SFXN1: variants seen among roughly 807,000 people sequenced by gnomAD.
SFXN1 encodes the protein sideroflexin 1, also known as sideroflexin-1.
SFXN1 carries 32 observed loss-of-function variants against 39.5 expected under a neutral mutation model. The ratio of observed to expected loss-of-function variants is 0.81; its 90% CI spans 0.61 to 1.09. SFXN1 has a LOEUF of 1.09. Ranked by LOEUF, SFXN1 falls within the 50% of genes least tolerant of loss-of-function variation. The pLI is 0.00. For synonymous variants in SFXN1, 136 were observed against 146.5 expected, an observed-to-expected ratio of 0.93 and a Z score of 0.52; for missense variants, 402 against 407.1, an observed-to-expected ratio of 0.99 and a Z score of 0.11.
chr5:175,505,800 A>G (rs959411874), intron 2 of SFXN1, among the ~76,000 whole-genome samples: 1 of 152,054 alleles, frequency 6.6e-6, no homozygotes, highest in African/African-American at 2.4e-5. Context: ...CAAAAGAGAA[A>G]GTTAAGAATG....
In SFXN1 at chr5:175,527,757, C is replaced by G. The variant is rs1339225398; in HGVS notation, c.*1023C>G. ...CCACTTCATTTGAAAATAATGAAACCATGTACCACTGTTTACATCATCTGT... is the reference window on the plus strand; with the variant it reads ...CCACTTCATTTGAAAATAATGAAACGATGTACCACTGTTTACATCATCTGT... On this transcript the variant is annotated 3_prime_UTR_variant, in exon 11 of 11. Transcript: ENST00000321442. The G allele has an allele frequency of 6.6e-6, 1 of 152,030 alleles. No individual in the cohort carries two copies. Among genetic ancestry groups the G allele is most frequent in the African/African-American group, 2.4e-5 (1 of 41,378 alleles). The allele number at this position is 152,030 out of a possible 1,614,324, so 9.4% of individuals were successfully genotyped here.
intron 2 of SFXN1, among the ~76,000 whole-genome samples, chr5:175,500,866 A>G (rs1330169184): frequency 6.6e-6 from 1 of 152,182 alleles, no homozygotes; most frequent in Non-Finnish European, 1.5e-5. Flanking sequence ...AGATAATTCA[A>G]TGAGGAAAGG....
At chr5:175,480,816 G>T (rs558632319) in intron 1 of SFXN1, among the ~76,000 whole-genome samples, 1 of 152,378 alleles carries the variant, frequency 6.6e-6, no homozygotes, top group Non-Finnish European at 1.5e-5. Flanking sequence ...TTGTGTAGCA[G>T]TGGTGAGCTG....
chr5:175,515,209 G>A (rs541160876), intron 7 of SFXN1, among the ~76,000 whole-genome samples: 1 of 152,242 alleles, frequency 6.6e-6, no homozygotes, highest in South Asian at 2.1e-4. Flanking sequence ...TAGAAACAGG[G>A]TTTTGGTATG....
At position 175,506,960 on chromosome 5, in the gene SFXN1, A is replaced by C. The variant is rs1422233330; in HGVS notation, c.165-2072A>C. On this transcript the variant is annotated intron_variant, in intron 2 of 10. Coordinates refer to ENST00000321442, the MANE Select transcript of SFXN1 (RefSeq NM_022754.7). ...ATTACAGGCGTGAGCCACCATGCCC[A>C]GCCTATTAATTTCTTAAGGCTGCCA... Among the ~76,000 whole-genome samples, 3 of 152,128 alleles carry C rather than the reference A, an allele frequency of 2.0e-5. No individual in the cohort carries two copies. The East Asian group carries it at 5.8e-4, about 29-fold the overall frequency.
In SFXN1 at chr5:175,510,127, G is replaced by T. The variant is rs201477062; in HGVS notation, c.354G>T (p.Leu118=). ...GTTTTAGGACTACGCCGGCTGTGCT[G>T]TTCTGGCAGTGGATTAACCAGTCCT... The part of the protein sequence containing the change: ...MTFYRTTPAV[L]FWQWINQSFN... Residue 118 remains leucine (L), a synonymous_variant, in exon 4 of 11, where the codon CTG becomes CTT. Transcript: ENST00000321442. The T allele has an allele frequency of 1.2e-6, 2 of 1,612,950 alleles. No homozygotes were observed. The highest frequency in any genetic ancestry group is 2.2e-5 in the East Asian group (1 of 44,866).
At chr5:175,489,407 C>T (rs890563202) in intron 1 of SFXN1, among the ~76,000 whole-genome samples, 1 of 152,156 alleles carries the variant, frequency 6.6e-6, no homozygotes, top group African/African-American at 2.4e-5. Flanking sequence ...CCCCTGCACG[C>T]CCTGCAGGTA....
intron 2 of SFXN1, among the ~76,000 whole-genome samples, chr5:175,495,817 T>A (rs1214376229): frequency 6.6e-6 from 1 of 151,206 alleles, no homozygotes; most frequent in Non-Finnish European, 1.5e-5. Context: ...GTCATATAAA[T>A]AGACAAGTGA....
At chr5:175,508,292 G>A (rs1760387125) in intron 2 of SFXN1, among the ~76,000 whole-genome samples, 1 of 123,746 alleles carries the variant, frequency 8.1e-6, no homozygotes, top group African/African-American at 3.1e-5. Context: ...GTGGTATGAT[G>A]ACTGCTCACT....
In SFXN1 at chr5:175,510,102, GT is replaced by G; in HGVS notation, c.336-3del. On this transcript the variant is annotated splice_polypyrimidine_tract_variant and splice_region_variant and intron_variant, in intron 3 of 10. Coordinates refer to ENST00000321442, the MANE Select transcript of SFXN1 (RefSeq NM_022754.7). ...TGGTGGGTATGTGACGGATGCCTCT[GT>G]TTTAGGACTACGCCGGCTGTGCTGT... 6.2e-7 allele frequency: 1 copy of G among 1,608,460 alleles called. No individual in the cohort carries two copies. The highest frequency in any genetic ancestry group is 8.5e-7 in the Non-Finnish European group (1 of 1,177,050).
chr5:175,487,886 C>T lies in SFXN1; in HGVS notation c.-9-4209C>T, dbSNP rs185503927. On this transcript the variant is annotated intron_variant, in intron 1 of 10. Transcript: ENST00000321442. Reference sequence around the variant, plus strand: ...CAGGAACCATGCTTTTTCTTTCTCTCACATCCCACATCTAAGATGTCAAGA... The same window carrying T: ...CAGGAACCATGCTTTTTCTTTCTCTTACATCCCACATCTAAGATGTCAAGA... Among the ~76,000 whole-genome samples the T allele has an allele frequency of 2.0e-5, 3 of 152,258 alleles. No individual in the cohort carries two copies. The East Asian group carries it at 5.8e-4, about 29-fold the overall frequency.
intron 7 of SFXN1, 114 bp from the exon 8 acceptor site, chr5:175,516,500 G>A (rs769997559): frequency 1.4e-5 from 11 of 814,476 alleles, no homozygotes; most frequent in Admixed American, 9.7e-5. Flanking sequence ...TTTTTACTGT[G>A]ACAGTGGAAA....
At chr5:175,483,860 C>A (rs1328883613) in intron 1 of SFXN1, 2 of 152,360 alleles carry the variant, frequency 1.3e-5, no homozygotes, top group African/African-American at 4.8e-5. Context: ...AAAGAGAGCA[C>A]CCTCCCCACT....
At chr5:175,498,368 G>A (rs905611442) in intron 2 of SFXN1, among the ~76,000 whole-genome samples, 3 of 152,160 alleles carry the variant, frequency 2.0e-5, no homozygotes, top group Non-Finnish European at 2.9e-5. Context: ...GGTAGATAAT[G>A]TTATTTCCAT....
chr5:175,520,512 C>G (rs1760847889), intron 8 of SFXN1, among the ~76,000 whole-genome samples: 1 of 152,078 alleles, frequency 6.6e-6, no homozygotes. Flanking sequence ...CTGAAATTGT[C>G]TAGGGGCCTT....
chr5:175,514,222 G>T (rs113786527), intron 7 of SFXN1, among the ~76,000 whole-genome samples: 2 of 152,074 alleles, frequency 1.3e-5, no homozygotes, highest in African/African-American at 4.8e-5. Context: ...CTGGACCAGG[G>T]CCATACAGTG....
chr5:175,482,204 C>T (rs1759280376), intron 1 of SFXN1, among the ~76,000 whole-genome samples: 1 of 152,216 alleles, frequency 6.6e-6, no homozygotes, highest in Admixed American at 6.5e-5. Context: ...GGCTGTCTCA[C>T]ACCTGCCTGG....
intron 1 of SFXN1, among the ~76,000 whole-genome samples, chr5:175,479,629 T>C (rs552020609): frequency 5.9e-5 from 9 of 152,304 alleles, no homozygotes; most frequent in African/African-American, 2.2e-4. Context: ...TATTTTGTGT[T>C]GCTCAGCCTA....
intron 10 of SFXN1, among the ~76,000 whole-genome samples, chr5:175,525,356 T>A (rs1433876700): frequency 3.3e-5 from 5 of 152,192 alleles, no homozygotes; most frequent in Admixed American, 3.3e-4. Flanking sequence ...TTCCTAAGGG[T>A]TAAAATGCAT....
Sources: gnomAD v4.1 joint callset for allele counts (sites outside exome capture counted in the v4.1 genomes callset) on GRCh38, gnomAD v4.1.1 for gene constraint, MANE v1.5 for transcripts, NCBI Gene and HGNC (gene_info 2026-07-23, HGNC 2026-07-21) for gene names.